RALGAPA1: variants seen among roughly 807,000 people sequenced by gnomAD.
RALGAPA1 encodes the protein ral GTPase-activating protein subunit alpha-1.
In RALGAPA1, 52 loss-of-function variants were observed where a neutral mutation model predicts 269.6. The ratio of observed to expected loss-of-function variants is 0.19; its 90% CI spans 0.15 to 0.24. The LOEUF is 0.24. Among genes scored for constraint, RALGAPA1 ranks in the 10% least tolerant of loss-of-function variants. The pLI, the probability that RALGAPA1 is intolerant of heterozygous loss-of-function variation, is 1.00. For missense variants in RALGAPA1, 1,917 were observed against 3,013.9 expected, an observed-to-expected ratio of 0.64 and a Z score of 8.52; for synonymous variants, 817 against 1,008.3, an observed-to-expected ratio of 0.81 and a Z score of 3.60.
intron 29 of RALGAPA1, 148 bp from the exon 30 acceptor site, chr14:35,654,625 TA>T (rs940038164): frequency 1.7e-5 from 17 of 1,001,886 alleles, no homozygotes; most frequent in East Asian, 3.2e-5. Context: ...AGCTGCAAAA[TA>T]AAAAAAATCA....
intron 17 of RALGAPA1, among the ~76,000 whole-genome samples, chr14:35,695,586 CA>C (rs1463895544): frequency 1.3e-5 from 2 of 152,054 alleles, no homozygotes; most frequent in Non-Finnish European, 2.9e-5. Context: ...ACAAAAATGA[CA>C]AATCAGTTTT....
At chr14:35,633,230 A>G (rs1469991914) in intron 33 of RALGAPA1, among the ~76,000 whole-genome samples, 1 of 152,202 alleles carries the variant, frequency 6.6e-6, no homozygotes, top group Non-Finnish European at 1.5e-5. Flanking sequence ...TTATACCTTA[A>G]ATGTGCAAAG....
rs60152249 is a variant in RALGAPA1 at position 35,737,759 on chromosome 14, CAAAAAAAAAAAAAAA to C, written c.1587+739_1587+753del. On this transcript the variant is annotated intron_variant, in intron 12 of 41. Coordinates refer to ENST00000680220, the MANE Select transcript of RALGAPA1 (RefSeq NM_001346249.2). ...GGGCAACAACAGTGAAAATCCATCTCAAAAAAAAAAAAAAAAAAAAAAAAAAAAAAAAAAAGAATG... is the reference window on the plus strand; with the variant it reads ...GGGCAACAACAGTGAAAATCCATCTCAAAAAAAAAAAAAAAAAAAAGAATG... 1.3e-3 allele frequency among the ~76,000 whole-genome samples: 23 copies of C among 17,422 alleles called. No individual in the cohort carries two copies. The South Asian group carries it at 0.038, about 29-fold the overall frequency. 11.4% of individuals were successfully genotyped at this position (17,422 alleles called of 152,430 possible).
Position 35,672,868 on chromosome 14 carries a change from T to C in RALGAPA1, c.5072A>G (p.Gln1691Arg). 6.5e-7 allele frequency: 1 copy of C among 1,531,926 alleles called. No homozygotes were observed. Among genetic ancestry groups the C allele is most frequent in the East Asian group, 2.4e-5 (1 of 42,170 alleles). The allele number at this position is 1,531,926 out of a possible 1,614,324, so 94.9% of individuals were successfully genotyped here. A position where few individuals can be genotyped will look rare whatever the true frequency, so the allele number is the denominator to read the frequency against. ...GATGATACATATATATATAGTTACC[T>C]GGTCAATATGAAGTAATCCACAATG... Reference protein sequence around the residue: ...IMHCGLLHIDQDIVNTIIKHC... With the variant: ...IMHCGLLHIDRDIVNTIIKHC... Residue 1691 changes from glutamine (Q) to arginine (R), a missense_variant and splice_region_variant, in exon 25 of 42, where the codon CAG becomes CGG. By Grantham distance (43) the Gln-to-Arg change is conservative (BLOSUM62 1). Transcript: ENST00000680220.
At chr14:35,640,141 C>G (rs61989604) in intron 31 of RALGAPA1, among the ~76,000 whole-genome samples, 4,602 of 151,762 alleles carry the variant, frequency 0.03, 91 homozygotes, top group Middle Eastern at 0.051. Flanking sequence ...AGCAGAAAAA[C>G]GTCAAGTAAA....
intron 24 of RALGAPA1, among the ~76,000 whole-genome samples, 174 bp downstream of exon 24, chr14:35,674,006 C>T (rs888060824): frequency 6.6e-6 from 1 of 152,056 alleles, no homozygotes; most frequent in African/African-American, 2.4e-5. Flanking sequence ...CAATAAATCC[C>T]GAGTAATTTT....
At chr14:35,658,662 C>A (rs2063348405) in intron 28 of RALGAPA1, among the ~76,000 whole-genome samples, 1 of 151,546 alleles carries the variant, frequency 6.6e-6, no homozygotes. Context: ...AGAAAAAAAT[C>A]TAAAACTATG....
At chr14:35,709,106 G>C (rs1456515152) in intron 16 of RALGAPA1, among the ~76,000 whole-genome samples, 1 of 152,104 alleles carries the variant, frequency 6.6e-6, no homozygotes, top group African/African-American at 2.4e-5. Context: ...GGTAAGTGCA[G>C]ATGGTTAATG....
intron 17 of RALGAPA1, 134 bp downstream of exon 17, chr14:35,700,028 C>G: frequency 1.4e-6 from 1 of 727,572 alleles, no homozygotes; most frequent in Non-Finnish European, 2.1e-6. Context: ...GTTGATTTCT[C>G]AATCACTTTC....
At chr14:35,691,089 AATT>A (rs530664222) in intron 17 of RALGAPA1, among the ~76,000 whole-genome samples, 20 of 147,746 alleles carry the variant, frequency 1.4e-4, no homozygotes, top group Non-Finnish European at 2.5e-4. Flanking sequence ...TAATAATAAT[AATT>A]ATTATTATTA....
chr14:35,603,269 T>C (rs771523589), intron 36 of RALGAPA1, among the ~76,000 whole-genome samples: 82 of 152,328 alleles, frequency 5.4e-4, no homozygotes, highest in Non-Finnish European at 6.8e-4. Context: ...CTTTTACTAA[T>C]ACTTTTATGG....
chr14:35,682,478 T>C (rs1051967649), intron 21 of RALGAPA1, among the ~76,000 whole-genome samples: 43 of 152,032 alleles, frequency 2.8e-4, no homozygotes, highest in African/African-American at 1.0e-3. Flanking sequence ...TTTTTGTTTT[T>C]TGTATTTTTA....
intron 16 of RALGAPA1, among the ~76,000 whole-genome samples, chr14:35,702,561 AATTTT>A (rs1290543079): frequency 6.6e-6 from 1 of 152,088 alleles, no homozygotes; most frequent in Non-Finnish European, 1.5e-5. Flanking sequence ...AGTAACCAAC[AATTTT>A]ATAATCTAAT....
In RALGAPA1 at chr14:35,719,455, C is replaced by T. The variant is rs192953387; in HGVS notation, c.2266+2233G>A. ...AGGATTTAACTTTGATAGGCTTGTTCGGTTCAGACAAAACTGTTTTGACAT... is the reference window on the plus strand; with the variant it reads ...AGGATTTAACTTTGATAGGCTTGTTTGGTTCAGACAAAACTGTTTTGACAT... On this transcript the variant is annotated intron_variant, in intron 16 of 41. Coordinates refer to ENST00000680220, the MANE Select transcript of RALGAPA1 (RefSeq NM_001346249.2). Among the ~76,000 whole-genome samples the T allele has an allele frequency of 1.0e-3, 159 of 152,252 alleles. 2 individuals are homozygous for T. Among genetic ancestry groups the T allele is most frequent in the Non-Finnish European group, 2.2e-4 (15 of 68,014 alleles).
chr14:35,728,089 T>C (rs2070131205), intron 13 of RALGAPA1, among the ~76,000 whole-genome samples: 1 of 152,234 alleles, frequency 6.6e-6, no homozygotes, highest in Admixed American at 6.5e-5. Flanking sequence ...TACATTTGTA[T>C]GCATGTATTC....
At chr14:35,711,664 G>A (rs2068355844) in intron 16 of RALGAPA1, among the ~76,000 whole-genome samples, 1 of 152,006 alleles carries the variant, frequency 6.6e-6, no homozygotes, top group Admixed American at 6.5e-5. Context: ...TACGTAGGCT[G>A]GTCTTGAACT....
At chr14:35,653,910 C>A (rs1004412212) in intron 30 of RALGAPA1, among the ~76,000 whole-genome samples, 1 of 152,146 alleles carries the variant, frequency 6.6e-6, no homozygotes, top group Non-Finnish European at 1.5e-5. Flanking sequence ...GTTTTCCCTA[C>A]TTAAGAGGGA....
At chr14:35,704,076 A>G (rs980602320) in intron 16 of RALGAPA1, among the ~76,000 whole-genome samples, 1 of 152,194 alleles carries the variant, frequency 6.6e-6, no homozygotes, top group African/African-American at 2.4e-5. Flanking sequence ...CTTATTTATT[A>G]AAATTCACAT....
chr14:35,544,775 GGTGACTC>G (rs961520269), intron 41 of RALGAPA1, among the ~76,000 whole-genome samples: 3 of 152,190 alleles, frequency 2.0e-5, no homozygotes, highest in African/African-American at 7.2e-5. Context: ...AGCCAGGTAT[GGTGACTC>G]AAATCTGTAA....
Sources: allele counts gnomAD v4.1 joint callset (sites outside exome capture counted in the v4.1 genomes callset), GRCh38; gene constraint gnomAD v4.1.1; transcripts MANE v1.5; gene names NCBI Gene and HGNC (gene_info 2026-07-23, HGNC 2026-07-21).